Variants in COL23A1 observed in about 807,000 individuals in gnomAD.
COL23A1 encodes the protein collagen alpha-1(XXIII) chain.
A neutral mutation model predicts 99.3 loss-of-function variants in COL23A1; 97 were observed. That is an observed-to-expected ratio of 0.98 (90% CI 0.83 to 1.16). COL23A1 has a LOEUF of 1.16. Ranked by LOEUF, COL23A1 falls within the 50% of genes most tolerant of loss-of-function variation. The pLI is 0.00. For missense variants in COL23A1, 762 were observed against 757.4 expected, an observed-to-expected ratio of 1.01 and a Z score of -0.07; for synonymous variants, 320 against 308.2, an observed-to-expected ratio of 1.04 and a Z score of -0.40.
At chr5:178,400,909 A>C (rs1325471666) in intron 2 of COL23A1, among the ~76,000 whole-genome samples, 1 of 152,222 alleles carries the variant, frequency 6.6e-6, no homozygotes, top group African/African-American at 2.4e-5. Context: ...AAGTGCTGGG[A>C]TTACAGGCAT....
At chr5:178,582,494 T>C (rs968482346) in intron 1 of COL23A1, among the ~76,000 whole-genome samples, 7 of 152,106 alleles carry the variant, frequency 4.6e-5, no homozygotes, top group Non-Finnish European at 8.8e-5. Flanking sequence ...CAGAGAGGGC[T>C]CCTCTGAAGG....
At chr5:178,375,650 C>T (rs1763033058) in intron 2 of COL23A1, among the ~76,000 whole-genome samples, 1 of 152,224 alleles carries the variant, frequency 6.6e-6, no homozygotes, top group Non-Finnish European at 1.5e-5. Context: ...ACTGAGGTGG[C>T]CCCTGTGCTG....
At chr5:178,312,130 G>A (rs544224386) in intron 2 of COL23A1, among the ~76,000 whole-genome samples, 50 of 152,302 alleles carry the variant, frequency 3.3e-4, no homozygotes, top group African/African-American at 1.0e-3. Flanking sequence ...CTGAGACGCC[G>A]ACGGAGCCCT....
At chr5:178,267,369 C>A (rs773840305) in intron 7 of COL23A1, 36 bp from the exon 8 acceptor site, 1 of 1,609,166 alleles carries the variant, frequency 6.2e-7, no homozygotes, top group Non-Finnish European at 8.5e-7. Context: ...ATCACCACTG[C>A]TTTCATCGTT....
intron 2 of COL23A1, among the ~76,000 whole-genome samples, chr5:178,518,944 T>TCGGTCGCGGC (rs1259378118): frequency 1.1e-5 from 1 of 92,758 alleles, no homozygotes; most frequent in African/African-American, 4.8e-5. Context: ...GCGGCTGCGG[T>TCGGTCGCGGC]CGGTCGCGGC....
At chr5:178,338,628 C>T (rs1407394088) in intron 2 of COL23A1, among the ~76,000 whole-genome samples, 2 of 151,762 alleles carry the variant, frequency 1.3e-5, no homozygotes, top group Admixed American at 6.6e-5. Flanking sequence ...TCACCCAGCA[C>T]CGGGTAAGGT....
intron 2 of COL23A1, among the ~76,000 whole-genome samples, chr5:178,497,469 T>C (rs954128143): frequency 6.6e-6 from 1 of 152,140 alleles, no homozygotes; most frequent in Admixed American, 6.5e-5. Context: ...GGTCAAGCAA[T>C]GAGCTCATAA....
intron 25 of COL23A1, among the ~76,000 whole-genome samples, chr5:178,243,851 A>G (rs1199764374): frequency 2.0e-5 from 3 of 152,166 alleles, no homozygotes; most frequent in Non-Finnish European, 4.4e-5. Flanking sequence ...TCCACCCTCA[A>G]CTGGGCCCAG....
rs937523441 is a variant in COL23A1, at chr5:178,248,325, C to T, written c.1150-71G>A. 6.7e-6 allele frequency: 8 copies of T among 1,189,204 alleles called. No homozygotes were observed. The African/African-American group carries it at 1.2e-4, about 18-fold the overall frequency. The allele number at this position is 1,189,204 out of a possible 1,614,324, so 73.7% of individuals were successfully genotyped here. The stretch of plus-strand genomic sequence containing the variant: ...TATCACCACCCACGGTGCTTAGTGA[C>T]CTCCCTTCCTTCCCCCATGTGGCTC... On this transcript the variant is annotated intron_variant, in intron 19 of 28. Transcript: ENST00000390654.
At chr5:178,547,573 A>C (rs1562076684) in intron 2 of COL23A1, among the ~76,000 whole-genome samples, 1 of 39,110 alleles carries the variant, frequency 2.6e-5, no homozygotes, top group Non-Finnish European at 4.5e-5. Flanking sequence ...CCCCACACAC[A>C]CCTACACCCA....
chr5:178,572,589 T>C (rs1434462189), intron 1 of COL23A1, among the ~76,000 whole-genome samples: 2 of 152,230 alleles, frequency 1.3e-5, no homozygotes, highest in African/African-American at 4.8e-5. Flanking sequence ...GGTGGGAATC[T>C]GAAATGATGC....
At chr5:178,476,264 G>T (rs750276617) in intron 2 of COL23A1, among the ~76,000 whole-genome samples, 38 of 152,296 alleles carry the variant, frequency 2.5e-4, no homozygotes, top group South Asian at 1.2e-3. Context: ...CTGTCTCCCT[G>T]GAGCACATAC....
At chr5:178,347,635 G>A (rs1172851443) in intron 2 of COL23A1, among the ~76,000 whole-genome samples, 2 of 151,588 alleles carry the variant, frequency 1.3e-5, no homozygotes, top group African/African-American at 4.8e-5. Context: ...TGTAATCCCA[G>A]CACTTTGGGA....
At chr5:178,451,156 A>C (rs764157129) in intron 2 of COL23A1, among the ~76,000 whole-genome samples, 1 of 152,198 alleles carries the variant, frequency 6.6e-6, no homozygotes, top group African/African-American at 2.4e-5. Context: ...TCTATCGAAC[A>C]ATTATTTACA....
chr5:178,476,396 G>A (rs1757028687), intron 2 of COL23A1, among the ~76,000 whole-genome samples: 2 of 152,184 alleles, frequency 1.3e-5, no homozygotes, highest in Admixed American at 1.3e-4. Context: ...AACCTTTACT[G>A]ACAATCTGGA....
chr5:178,523,092 G>T (rs920001355), intron 2 of COL23A1, among the ~76,000 whole-genome samples: 7 of 149,110 alleles, frequency 4.7e-5, no homozygotes, highest in Non-Finnish European at 7.4e-5. Flanking sequence ...CCTGAGGTCA[G>T]GAGTTCAAGA....
rs139171434 is a variant in COL23A1 at position 178,582,820 on chromosome 5, C to T, written c.294+7084G>A. Among the ~76,000 whole-genome samples, 1,407 of 152,316 alleles carry T rather than the reference C, an allele frequency of 9.2e-3. 15 individuals are homozygous for T. Among genetic ancestry groups the T allele is most frequent in the Non-Finnish European group, 0.013 (866 of 68,024 alleles). ...AGAGACATCCTCTGAGAACACTCCCCGTGAGAACATTCCCCAGGAAGCTGA... is the reference window on the plus strand; with the variant it reads ...AGAGACATCCTCTGAGAACACTCCCTGTGAGAACATTCCCCAGGAAGCTGA... On this transcript the variant is annotated intron_variant, in intron 1 of 28. Transcript: ENST00000390654.
chr5:178,506,088 T>C (rs528291657), intron 2 of COL23A1, among the ~76,000 whole-genome samples: 1 of 152,250 alleles, frequency 6.6e-6, no homozygotes, highest in East Asian at 1.9e-4. Flanking sequence ...GTAGGCCGGG[T>C]CTGCTGAAGG....
intron 2 of COL23A1, among the ~76,000 whole-genome samples, chr5:178,523,327 T>C (rs1180450070): frequency 5.7e-5 from 8 of 139,192 alleles, no homozygotes; most frequent in Admixed American, 1.5e-4. Context: ...TTTGGGAGGC[T>C]GAAGCACGAG....
Sources: allele counts gnomAD v4.1 joint callset (sites outside exome capture counted in the v4.1 genomes callset), GRCh38; gene constraint gnomAD v4.1.1; transcripts MANE v1.5; gene names NCBI Gene and HGNC (gene_info 2026-07-23, HGNC 2026-07-21).